Variants in BBS5 observed in about 807,000 individuals in gnomAD.
BBS5 encodes the protein BBSome complex member BBS5.
Under a neutral mutation model 50.2 loss-of-function variants are expected in BBS5, and 39 were observed. The observed-to-expected ratio is 0.78, with a 90% CI of 0.60 to 1.01. The LOEUF is 1.01. Ranked by LOEUF, BBS5 falls within the 50% of genes least tolerant of loss-of-function variation. The pLI, the probability that BBS5 is intolerant of heterozygous loss-of-function variation, is 0.00. For synonymous variants in BBS5, 134 were observed against 133.1 expected, an observed-to-expected ratio of 1.01 and a Z score of -0.05; for missense variants, 356 against 401.5, an observed-to-expected ratio of 0.89 and a Z score of 0.97.
Position 169,503,169 on chromosome 2 carries a change from T to C in BBS5, c.891T>C (p.Asp297=). ...DVEIDSDGHT[D]AFVAYFADGN... ...AAATAGACTCTGATGGTCACACGGA[T>C]GCTTTTGTGGTGAGCATCACAAAGG... The change falls in exon 10 of 12, where the codon GAT becomes GAC. Residue 297 remains aspartate (D), a synonymous_variant. Transcript: ENST00000295240. 3.7e-6 allele frequency: 6 copies of C among 1,612,436 alleles called. No homozygotes were observed. The highest frequency in any genetic ancestry group is 5.1e-6 in the Non-Finnish European group (6 of 1,178,534).
In BBS5 at chr2:169,504,808, G is replaced by T. The variant is rs1211513068; in HGVS notation, c.*226G>T. The T allele has an allele frequency of 1.3e-6, 2 of 1,564,630 alleles. No individual in the cohort carries two copies. The highest frequency in any genetic ancestry group is 8.7e-7 in the Non-Finnish European group (1 of 1,153,202). On this transcript the variant is annotated 3_prime_UTR_variant, in exon 12 of 12. Transcript: ENST00000295240. ...CATGGCCTAGTAACCGTCCGGCCGC[G>T]GCGCTGGCTTAAGCCATGGCTGAGG...
At chr2:169,503,045 G>T in intron 9 of BBS5, 50 bp from the exon 10 acceptor site, 1 of 1,338,638 alleles carries the variant, frequency 7.5e-7, no homozygotes, top group South Asian at 1.2e-5. Flanking sequence ...CAGTTCTCAT[G>T]GTACATTTAA....
intron 7 of BBS5, among the ~76,000 whole-genome samples, chr2:169,494,766 T>C (rs1281983466): frequency 6.6e-6 from 1 of 152,156 alleles, no homozygotes; most frequent in Non-Finnish European, 1.5e-5. Flanking sequence ...AGATGGAACA[T>C]AAAAATAGTT....
At chr2:169,483,895 C>T (rs1683444466) in intron 2 of BBS5, among the ~76,000 whole-genome samples, 1 of 152,170 alleles carries the variant, frequency 6.6e-6, no homozygotes, top group Non-Finnish European at 1.5e-5. Flanking sequence ...ATCAAGATGG[C>T]TGTATCTTGA....
At position 169,493,012 on chromosome 2, in the gene BBS5, A is replaced by G. The variant is rs587777828; in HGVS notation, c.522+3A>G. On this transcript the variant is annotated splice_donor_region_variant and intron_variant, in intron 6 of 11. Transcript: ENST00000295240. Reference sequence around the variant, plus strand: ...TTTGGAATTTATCCAGTGATCAGGTATTGTGCAAAGAGCTAGTGAACCTTT... The same window carrying G: ...TTTGGAATTTATCCAGTGATCAGGTGTTGTGCAAAGAGCTAGTGAACCTTT... The G allele has an allele frequency of 6.2e-7, 1 of 1,613,516 alleles. No individual in the cohort carries two copies. Among genetic ancestry groups the G allele is most frequent in the Non-Finnish European group, 8.5e-7 (1 of 1,179,718 alleles).
intron 9 of BBS5, among the ~76,000 whole-genome samples, chr2:169,502,639 GA>G (rs1683831452): frequency 6.6e-6 from 1 of 152,006 alleles, no homozygotes; most frequent in Non-Finnish European, 1.5e-5. Flanking sequence ...TCAAACATTT[GA>G]AAAATGAACA....
intron 10 of BBS5, among the ~76,000 whole-genome samples, chr2:169,503,710 T>C (rs1017545548): frequency 1.3e-5 from 2 of 152,218 alleles, no homozygotes; most frequent in Non-Finnish European, 2.9e-5. Flanking sequence ...ATTTGAACAA[T>C]AGCTTTCCTA....
In BBS5 at chr2:169,505,567, C is replaced by T. The variant is rs544279771; in HGVS notation, c.*985C>T. On this transcript the variant is annotated 3_prime_UTR_variant, in exon 12 of 12. Coordinates refer to ENST00000295240, the MANE Select transcript of BBS5 (RefSeq NM_152384.3). ...GAAGTGAGGAGCTTCTCTGCCTGGC[C>T]GCCCATCGTCTGAGATGTGGGGAGC... 2.3e-3 allele frequency: 601 copies of T among 260,380 alleles called. 20 individuals carry two copies. The highest frequency in any genetic ancestry group is 0.02 in the South Asian group (587 of 28,910). The allele number at this position is 260,380 out of a possible 1,614,324, so 16.1% of individuals were successfully genotyped here. A position where few individuals can be genotyped will look rare whatever the true frequency, so the allele number is the denominator to read the frequency against.
At chr2:169,503,882 T>C (rs1049798004) in intron 10 of BBS5, among the ~76,000 whole-genome samples, 1 of 152,234 alleles carries the variant, frequency 6.6e-6, no homozygotes, top group African/African-American at 2.4e-5. Context: ...TCAAACTGTA[T>C]GCATCTGCTG....
intron 1 of BBS5, among the ~76,000 whole-genome samples, chr2:169,480,807 G>C (rs1268346980): frequency 6.7e-6 from 1 of 149,344 alleles, no homozygotes; most frequent in Non-Finnish European, 1.5e-5. Flanking sequence ...TCAGCCTCCA[G>C]AGTAGCTGGG....
intron 7 of BBS5, among the ~76,000 whole-genome samples, chr2:169,497,132 C>T (rs1021609783): frequency 1.2e-4 from 19 of 152,092 alleles, no homozygotes; most frequent in Non-Finnish European, 2.5e-4. Context: ...TCAGCCTAGG[C>T]AGCATAGTGA....
intron 7 of BBS5, among the ~76,000 whole-genome samples, chr2:169,496,850 CAG>C (rs1336946326): frequency 5.3e-5 from 8 of 151,132 alleles, no homozygotes; most frequent in African/African-American, 2.4e-5. Flanking sequence ...GCCTGGGCAA[CAG>C]AGCGAGACTC....
intron 6 of BBS5, 142 bp from the exon 7 acceptor site, chr2:169,493,599 A>G: frequency 2.9e-6 from 2 of 691,072 alleles, no homozygotes; most frequent in South Asian, 3.2e-5. Flanking sequence ...GTCTAATTGT[A>G]CTGCCATCAA....
At chr2:169,491,441 A>G (rs1464301402) in intron 5 of BBS5, among the ~76,000 whole-genome samples, 1 of 152,234 alleles carries the variant, frequency 6.6e-6, no homozygotes, top group African/African-American at 2.4e-5. Flanking sequence ...GAAGATTAAA[A>G]TAAAAATTAG....
At chr2:169,480,544 G>A (rs990256642) in intron 1 of BBS5, among the ~76,000 whole-genome samples, 10 of 152,000 alleles carry the variant, frequency 6.6e-5, no homozygotes, top group African/African-American at 2.4e-4. Flanking sequence ...AATTTCTCAG[G>A]TTAAGTATAG....
At chr2:169,502,472 A>G (rs1683827565) in intron 9 of BBS5, among the ~76,000 whole-genome samples, 1 of 152,210 alleles carries the variant, frequency 6.6e-6, no homozygotes, top group African/African-American at 2.4e-5. Context: ...CTGATAAAAA[A>G]TGGCAGTTTC....
chr2:169,486,876 T>C (rs1298956706), intron 2 of BBS5, among the ~76,000 whole-genome samples, 193 bp from the exon 3 acceptor site: 2 of 152,170 alleles, frequency 1.3e-5, no homozygotes, highest in African/African-American at 2.4e-5. Flanking sequence ...TCAAATTTTG[T>C]TTCTCTGGGA....
At position 169,479,538 on chromosome 2, in the gene BBS5, A is replaced by G; in HGVS notation, c.-16A>G. 2 of 1,614,128 alleles carry G rather than the reference A, an allele frequency of 1.2e-6. No individual in the cohort carries two copies. Among genetic ancestry groups the G allele is most frequent in the Non-Finnish European group, 1.7e-6 (2 of 1,179,966 alleles). ...TGCACGGCTGTGGAGAGATCCTGCC[A>G]CGGGCCTTGTTCACCATGTCGGTGC... On this transcript the variant is annotated 5_prime_UTR_variant, in exon 1 of 12. Coordinates refer to ENST00000295240, the MANE Select transcript of BBS5 (RefSeq NM_152384.3).
chr2:169,489,753 G>A (rs1683557289), intron 5 of BBS5, among the ~76,000 whole-genome samples: 1 of 148,364 alleles, frequency 6.7e-6, no homozygotes, highest in Admixed American at 6.7e-5. Context: ...ACATAGGTAT[G>A]TGTATATATG....
Sources: gnomAD v4.1 joint callset for allele counts (sites outside exome capture counted in the v4.1 genomes callset) on GRCh38, gnomAD v4.1.1 for gene constraint, MANE v1.5 for transcripts, NCBI Gene and HGNC (gene_info 2026-07-23, HGNC 2026-07-21) for gene names.